Variants in SLC37A2 observed in about 807,000 individuals in gnomAD.
SLC37A2 encodes solute carrier family 37 member 2.
A neutral mutation model predicts 70.7 loss-of-function variants in SLC37A2; 59 were observed. The ratio of observed to expected loss-of-function variants is 0.83; its 90% confidence interval spans 0.68 to 1.04. The LOEUF (loss-of-function observed/expected upper bound fraction) is 1.04, where lower values mean the gene tolerates loss of function less well. Ranked by LOEUF, SLC37A2 falls within the 50% of genes least tolerant of loss-of-function variation. The pLI is 0.00. For synonymous variants in SLC37A2, 257 were observed against 262.1 expected, an observed-to-expected ratio of 0.98 and a Z score of 0.19; for missense variants, 580 against 658.1, an observed-to-expected ratio of 0.88 and a Z score of 1.30.
intron 4 of SLC37A2, among the ~76,000 whole-genome samples, chr11:125,078,683 A>G (rs1052923587): frequency 6.6e-6 from 1 of 152,122 alleles, no homozygotes; most frequent in African/African-American, 2.4e-5. Context: ...TCAGCTTAAG[A>G]GCACTGGGTT....
chr11:125,081,686 C>A, intron 8 of SLC37A2, 68 bp from the exon 9 acceptor site: 2 of 1,511,696 alleles, frequency 1.3e-6, no homozygotes, highest in Non-Finnish European at 1.8e-6. Context: ...CTTGCCTGGG[C>A]TGCACCTTCA....
chr11:125,071,853 A>AG (rs71042470), intron 1 of SLC37A2, among the ~76,000 whole-genome samples: 2 of 64,394 alleles, frequency 3.1e-5, no homozygotes, highest in Non-Finnish European at 8.0e-5. Context: ...CTTGTGGGGG[A>AG]GGGGGGGTGG....
intron 1 of SLC37A2, 32 bp from the exon 2 acceptor site, chr11:125,076,725 C>A (rs763665609): frequency 1.9e-6 from 3 of 1,610,132 alleles, no homozygotes. Context: ...GGGCTGACTT[C>A]CCACTAACGC....
intron 1 of SLC37A2, among the ~76,000 whole-genome samples, chr11:125,074,956 C>T (rs528215474): frequency 5.3e-5 from 8 of 152,266 alleles, no homozygotes; most frequent in South Asian, 2.1e-4. Flanking sequence ...GGGGCCTTAC[C>T]GGCAGTATAA....
chr11:125,076,073 C>A lies in SLC37A2; in HGVS notation c.60-684C>A, dbSNP rs185852736. ...CACAGTGGAAAAGCTGAGTGCCACC[C>A]GCCTGCACTGTTCTTTCCATCCCGG... On this transcript the variant is annotated intron_variant, in intron 1 of 17. Coordinates refer to ENST00000403796, the MANE Select transcript of SLC37A2 (RefSeq NM_001145290.2). Among the ~76,000 whole-genome samples, 482 of 152,254 alleles carry A rather than the reference C, an allele frequency of 3.2e-3. 2 individuals are homozygous for A. The highest frequency in any genetic ancestry group is 0.011 in the African/African-American group (468 of 41,548).
Position 125,083,504 on chromosome 11 carries a change from C to A in SLC37A2, c.977-311C>A. On this transcript the variant is annotated intron_variant, in intron 10 of 17. Coordinates refer to ENST00000403796, the MANE Select transcript of SLC37A2 (RefSeq NM_001145290.2). The surrounding 1 kb of genome is among the most constrained non-coding windows in gnomAD (Gnocchi z 4.6). Reference sequence around the variant, plus strand: ...CTGGGCTGAGCTTCAGGTTGCGCTCCAGGGGAAAGGTGGCCACGGGACAGC... The same window carrying A: ...CTGGGCTGAGCTTCAGGTTGCGCTCAAGGGGAAAGGTGGCCACGGGACAGC... 1 of 320,806 alleles carries A rather than the reference C, an allele frequency of 3.1e-6. No homozygotes were observed. The highest frequency in any genetic ancestry group is 5.9e-6 in the Non-Finnish European group (1 of 170,064). 19.9% of individuals were successfully genotyped at this position (320,806 alleles called of 1,614,324 possible).
chr11:125,078,644 G>A (rs73024313), intron 4 of SLC37A2, among the ~76,000 whole-genome samples: 36,990 of 152,034 alleles, frequency 0.24, 4,776 homozygotes, highest in South Asian at 0.28. Context: ...GAAGGCGTCA[G>A]GGTGGTTGGT....
At position 125,085,413 on chromosome 11, in the gene SLC37A2, A is replaced by C. The variant is rs929513330; in HGVS notation, c.1267A>C (p.Lys423Gln). Reference sequence around the variant, plus strand: ...TCTCCAGGGGACTCACAAGAGCCTGAAGGGCAACGCCAAAGCCCTGTCCAC... The same window carrying C: ...TCTCCAGGGGACTCACAAGAGCCTGCAGGGCAACGCCAAAGCCCTGTCCAC... ...SADLGTHKSL[K>Q]GNAKALSTVT... is the part of the protein sequence containing the mutation. Residue 423 changes from lysine to glutamine, a missense_variant, in exon 15 of 18, where the codon AAG becomes CAG. By Grantham distance (53) the Lys-to-Gln change is moderately conservative (BLOSUM62 1). Transcript: ENST00000403796. 6.2e-7 allele frequency: 1 copy of C among 1,613,874 alleles called. No homozygotes were observed.
intron 1 of SLC37A2, among the ~76,000 whole-genome samples, chr11:125,073,845 C>T (rs1025426917): frequency 5.9e-5 from 9 of 152,324 alleles, no homozygotes; most frequent in South Asian, 2.1e-4. Context: ...AGCCTGTCTG[C>T]GCTTCCCACC....
chr11:125,085,052 C>G lies in SLC37A2; in HGVS notation c.1175-14C>G. 1 of 1,613,890 alleles carries G rather than the reference C, an allele frequency of 6.2e-7. No individual in the cohort carries two copies. Among genetic ancestry groups the G allele is most frequent in the South Asian group, 1.1e-5 (1 of 91,076 alleles). On this transcript the variant is annotated splice_polypyrimidine_tract_variant and intron_variant, in intron 13 of 17. Transcript: ENST00000403796. ...GTGCTGCTTCTCTGACTGGCTGTCTCTATGCTGTCCCAGTGATGCTGATCA... is the reference window on the plus strand; with the variant it reads ...GTGCTGCTTCTCTGACTGGCTGTCTGTATGCTGTCCCAGTGATGCTGATCA...
intron 14 of SLC37A2, 118 bp from the exon 15 acceptor site, chr11:125,085,277 C>T (rs1949195933): frequency 1.6e-6 from 2 of 1,255,816 alleles, no homozygotes; most frequent in South Asian, 2.6e-5. Context: ...ACCATGGGCC[C>T]CTCTCCTCTC....
chr11:125,085,691 A>G lies in SLC37A2; in HGVS notation c.1425+17A>G, dbSNP rs1322705742. ...GCCTGCTTGGTAAGAGTCTTGGGGTACACAGATAGGTATTGAGGGATGCTC... is the reference window on the plus strand; with the variant it reads ...GCCTGCTTGGTAAGAGTCTTGGGGTGCACAGATAGGTATTGAGGGATGCTC... On this transcript the variant is annotated intron_variant, in intron 16 of 17. Transcript: ENST00000403796. 1 of 1,609,392 alleles carries G rather than the reference A, an allele frequency of 6.2e-7. No homozygotes were observed. Among genetic ancestry groups the G allele is most frequent in the Non-Finnish European group, 8.5e-7 (1 of 1,178,452 alleles).
intron 17 of SLC37A2, chr11:125,086,286 C>G: frequency 6.4e-7 from 1 of 1,560,686 alleles, no homozygotes; most frequent in Non-Finnish European, 8.8e-7. Context: ...GAGTCTGTGA[C>G]TCGAGTGCCA....
chr11:125,064,392 A>G (rs921254854), intron 1 of SLC37A2, among the ~76,000 whole-genome samples: 2 of 152,078 alleles, frequency 1.3e-5, no homozygotes, highest in Non-Finnish European at 2.9e-5. Context: ...AGAAAAATGG[A>G]TGATGTAGCA....
intron 4 of SLC37A2, 33 bp from the exon 5 acceptor site, chr11:125,079,079 G>A (rs761150037): frequency 6.2e-7 from 1 of 1,613,698 alleles, no homozygotes; most frequent in South Asian, 1.1e-5. Context: ...ACACAGAGGA[G>A]CTTAACCGCA....
chr11:125,071,499 C>G (rs1422408214), intron 1 of SLC37A2, among the ~76,000 whole-genome samples: 2 of 152,232 alleles, frequency 1.3e-5, no homozygotes, highest in African/African-American at 2.4e-5. Flanking sequence ...CTGTATTTTC[C>G]TCTTTCCTAA....
chr11:125,078,564 T>C (rs7949048), intron 4 of SLC37A2, among the ~76,000 whole-genome samples: 105,394 of 152,004 alleles, frequency 0.69, 38,153 homozygotes, highest in African/African-American at 0.91. Flanking sequence ...GGTGGGAGGC[T>C]GAGGGAGCTC....
In SLC37A2 at chr11:125,088,427, T is replaced by A; in HGVS notation, c.*293T>A. 1 of 450,562 alleles carries A rather than the reference T, an allele frequency of 2.2e-6. No individual in the cohort carries two copies. Among genetic ancestry groups the A allele is most frequent in the Admixed American group, 3.6e-5 (1 of 27,462 alleles). The allele number at this position is 450,562 out of a possible 1,614,324, so 27.9% of individuals were successfully genotyped here. ...CCATTTTGATAAGGAAAGGATATGC[T>A]CAGACTCTTGCTTGTTCAGATTCCA... On this transcript the variant is annotated 3_prime_UTR_variant, in exon 18 of 18. Transcript: ENST00000403796.
In SLC37A2 at chr11:125,073,426, T is replaced by A. The variant is rs573840772; in HGVS notation, c.60-3331T>A. 2.4e-3 allele frequency among the ~76,000 whole-genome samples: 358 copies of A among 152,314 alleles called. 2 individuals carry two copies. Among genetic ancestry groups the A allele is most frequent in the African/African-American group, 8.1e-3 (337 of 41,576 alleles). ...TAAATCCAGGGCCCGGAGCCTCCAC[T>A]TCCCAGAAGAGTTTGGTTCAGCCCC... On this transcript the variant is annotated intron_variant, in intron 1 of 17. Transcript: ENST00000403796.
Sources: allele counts gnomAD v4.1 joint callset (sites outside exome capture counted in the v4.1 genomes callset), GRCh38; gene constraint gnomAD v4.1.1; non-coding constraint Gnocchi (gnomAD v3.1); transcripts MANE v1.5; gene names NCBI Gene and HGNC (gene_info 2026-07-23, HGNC 2026-07-21).